MBOAT2: variants seen among roughly 807,000 people sequenced by gnomAD.
MBOAT2 encodes membrane-bound glycerophospholipid O-acyltransferase 2.
A neutral mutation model predicts 63.4 loss-of-function variants in MBOAT2; 28 were observed. That is an observed-to-expected ratio of 0.44 (90% CI 0.33 to 0.61). The LOEUF (loss-of-function observed/expected upper bound fraction) is 0.61, where lower values mean the gene tolerates loss of function less well. Ranked by LOEUF, MBOAT2 falls within the 20% of genes least tolerant of loss-of-function variation. The pLI is 0.03. For missense variants in MBOAT2, 470 were observed against 605.8 expected (o/e 0.78, Z 2.35); for synonymous variants, 211 against 215.6 (o/e 0.98, Z 0.19).
intron 1 of MBOAT2, among the ~76,000 whole-genome samples, chr2:8,959,048 A>G (rs145688391): frequency 7.2e-5 from 11 of 152,326 alleles, no homozygotes; most frequent in African/African-American, 2.6e-4. Context: ...TTTCTTCGCA[A>G]AAGCTCTGGG....
intron 3 of MBOAT2, among the ~76,000 whole-genome samples, chr2:8,938,752 T>A (rs1465953660): frequency 6.6e-6 from 1 of 152,016 alleles, no homozygotes; most frequent in Non-Finnish European, 1.5e-5. Context: ...TGCCGCCACA[T>A]TTCATGCCGT....
intron 1 of MBOAT2, among the ~76,000 whole-genome samples, chr2:8,964,982 T>C (rs572099933): frequency 1.3e-5 from 2 of 152,318 alleles, no homozygotes; most frequent in African/African-American, 4.8e-5. Flanking sequence ...CTTTTGCAAA[T>C]AGCATCTCTC....
intron 3 of MBOAT2, among the ~76,000 whole-genome samples, chr2:8,919,126 C>T (rs1666392911): frequency 6.6e-6 from 1 of 152,182 alleles, no homozygotes; most frequent in African/African-American, 2.4e-5. Context: ...ATTGTATGGA[C>T]ATGCCACATT....
chr2:8,983,846 A>G (rs1671366878), intron 1 of MBOAT2, among the ~76,000 whole-genome samples: 1 of 152,172 alleles, frequency 6.6e-6, no homozygotes, highest in African/African-American at 2.4e-5. Context: ...TGTACTTGGA[A>G]CTTTTCTGTG....
intron 3 of MBOAT2, among the ~76,000 whole-genome samples, chr2:8,935,427 T>C (rs1667589648): frequency 6.6e-6 from 1 of 152,188 alleles, no homozygotes; most frequent in African/African-American, 2.4e-5. Context: ...AAAATATCCC[T>C]GCCAAGGAGT....
intron 3 of MBOAT2, among the ~76,000 whole-genome samples, chr2:8,921,202 T>C (rs992617235): frequency 3.9e-5 from 6 of 152,216 alleles, no homozygotes; most frequent in African/African-American, 1.4e-4. Flanking sequence ...GGTAGTGAAC[T>C]ATTTTAATTC....
chr2:8,859,459 T>G (rs1410743073), intron 12 of MBOAT2, among the ~76,000 whole-genome samples: 3 of 152,178 alleles, frequency 2.0e-5, no homozygotes, highest in African/African-American at 4.8e-5. Context: ...ATAAACCAAA[T>G]GTAACCTAAA....
At chr2:8,951,207 CTTT>C (rs538984583) in intron 2 of MBOAT2, among the ~76,000 whole-genome samples, 4 of 138,626 alleles carry the variant, frequency 2.9e-5, no homozygotes, top group Non-Finnish European at 3.1e-5. Context: ...CTGGTACCAG[CTTT>C]TTTTTTTTTT....
At chr2:8,890,608 C>T (rs1326427053) in intron 4 of MBOAT2, among the ~76,000 whole-genome samples, 1 of 152,174 alleles carries the variant, frequency 6.6e-6, no homozygotes, top group African/African-American at 2.4e-5. Flanking sequence ...AAGCCTTGAC[C>T]TTCTGGGCTC....
chr2:8,903,643 C>T, intron 4 of MBOAT2, among the ~76,000 whole-genome samples: 1 of 152,134 alleles, frequency 6.6e-6, no homozygotes, highest in South Asian at 2.1e-4. Flanking sequence ...CCAAATGTCC[C>T]AATACAATTT....
chr2:8,970,794 C>A (rs778611951), intron 1 of MBOAT2, among the ~76,000 whole-genome samples: 3 of 152,210 alleles, frequency 2.0e-5, no homozygotes, highest in Non-Finnish European at 4.4e-5. Flanking sequence ...AATTCCTCGA[C>A]ACATACACCC....
intron 1 of MBOAT2, among the ~76,000 whole-genome samples, chr2:8,960,718 A>G (rs1412846123): frequency 1.3e-5 from 2 of 152,234 alleles, no homozygotes; most frequent in Non-Finnish European, 2.9e-5. Context: ...TCTCTTTTCA[A>G]CATTGTCATC....
At chr2:8,865,262 T>C (rs1661789522) in intron 9 of MBOAT2, among the ~76,000 whole-genome samples, 1 of 152,212 alleles carries the variant, frequency 6.6e-6, no homozygotes. Flanking sequence ...TTCAACCTAA[T>C]ACCCCATCTA....
chr2:8,862,005 G>T lies in MBOAT2; in HGVS notation c.1185+585C>A, dbSNP rs1443711145. Among the ~76,000 whole-genome samples, 1 of 152,154 alleles carries T rather than the reference G, an allele frequency of 6.6e-6. No individual in the cohort carries two copies. The highest frequency in any genetic ancestry group is 1.5e-5 in the Non-Finnish European group (1 of 68,022). On this transcript the variant is annotated intron_variant, in intron 11 of 12. Coordinates refer to ENST00000305997, the MANE Select transcript of MBOAT2 (RefSeq NM_138799.4). This position sits in a 1 kb window ranked among gnomAD's most constrained non-coding sequence, Gnocchi z 4.3. ...GCCATTACCAGCTTGTTCAAACATG[G>T]TTTTTGTCACGTCACTTTCCTCTAA...
intron 1 of MBOAT2, among the ~76,000 whole-genome samples, chr2:8,962,219 T>C (rs1016314671): frequency 3.9e-4 from 60 of 152,230 alleles, no homozygotes; most frequent in African/African-American, 1.4e-3. Context: ...ACTGAAACAG[T>C]TTAACTAGTG....
intron 2 of MBOAT2, among the ~76,000 whole-genome samples, chr2:8,944,906 G>A (rs1298994078): frequency 6.6e-6 from 1 of 152,120 alleles, no homozygotes; most frequent in African/African-American, 2.4e-5. Context: ...ACACCCTTAA[G>A]GGCTTCTTAA....
chr2:8,854,637 A>C lies in MBOAT2; in HGVS notation c.*4042T>G, dbSNP rs892660505. ...GACCAATTAACTAATAATTGTGAAC[A>C]GTTGATAAGGAAACAAAAAAAGTAT... On this transcript the variant is annotated 3_prime_UTR_variant, in exon 13 of 13. Coordinates refer to ENST00000305997, the MANE Select transcript of MBOAT2 (RefSeq NM_138799.4). 2.6e-5 allele frequency: 4 copies of C among 152,256 alleles called. No homozygotes were observed. Among genetic ancestry groups the C allele is most frequent in the Admixed American group, 1.3e-4 (2 of 15,290 alleles). The allele number at this position is 152,256 out of a possible 1,614,324, so 9.4% of individuals were successfully genotyped here.
chr2:8,966,866 G>A (rs1410233426), intron 1 of MBOAT2, among the ~76,000 whole-genome samples: 1 of 152,166 alleles, frequency 6.6e-6, no homozygotes, highest in Admixed American at 6.5e-5. Context: ...TGTCTAACAT[G>A]GGGACTAGGA....
At chr2:8,976,476 C>T (rs1428451102) in intron 1 of MBOAT2, among the ~76,000 whole-genome samples, 4 of 152,034 alleles carry the variant, frequency 2.6e-5, no homozygotes, top group Admixed American at 1.3e-4. Flanking sequence ...AAATACAAGC[C>T]AGATAAAAAA....
Sources: gnomAD v4.1 joint callset for allele counts (sites outside exome capture counted in the v4.1 genomes callset) on GRCh38, gnomAD v4.1.1 for gene constraint, Gnocchi (gnomAD v3.1) non-coding constraint, MANE v1.5 for transcripts, NCBI Gene and HGNC (gene_info 2026-07-23, HGNC 2026-07-21) for gene names.